ACACA: variants seen among roughly 807,000 people sequenced by gnomAD.
The protein encoded by ACACA is acetyl-CoA carboxylase alpha, also known as acetyl-CoA carboxylase 1.
A neutral mutation model predicts 296.1 loss-of-function variants in ACACA; 103 were observed. The observed-to-expected ratio is 0.35, with a 90% CI of 0.30 to 0.41. The LOEUF is 0.41. Among genes scored for constraint, ACACA ranks in the 10% least tolerant of loss-of-function variants. The probability of loss-of-function intolerance (pLI) is 1.00; values close to 1 mark genes in which losing one functional copy is unlikely to be tolerated. For missense variants in ACACA, 1,554 were observed against 2,989.7 expected (o/e 0.52, Z 11.20); for synonymous variants, 953 against 1,038.6 (o/e 0.92, Z 1.58).
intron 48 of ACACA, among the ~76,000 whole-genome samples, chr17:37,124,528 G>A (rs1010043332): frequency 1.3e-5 from 2 of 152,188 alleles, no homozygotes; most frequent in African/African-American, 4.8e-5. Flanking sequence ...TGTGCCGTGA[G>A]GAATCTAACA....
intron 3 of ACACA, chr17:37,299,337 AGATGG>A (rs774728472): frequency 6.2e-7 from 1 of 1,613,918 alleles, no homozygotes; most frequent in South Asian, 1.1e-5. Context: ...CTCCATATCA[AGATGG>A]GAAAAGAATG....
chr17:37,129,395 G>C lies in ACACA; in HGVS notation c.5914C>G (p.Arg1972Gly). The C allele has an allele frequency of 6.2e-7, 1 of 1,614,078 alleles. No individual in the cohort carries two copies. Among genetic ancestry groups the C allele is most frequent in the Non-Finnish European group, 8.5e-7 (1 of 1,179,988 alleles). ...TGAGGACGGCCTGCTAGCATCCATC[G>C]AGGATCGTATGGGGTCTTTGTGGGA... ...FVPTKTPYDP[R>G]WMLAGRPHPT... Residue 1972 changes from arginine (R) to glycine (G), a missense_variant, in exon 47 of 56, where the codon CGA becomes GGA. Coordinates refer to ENST00000616317, the MANE Select transcript of ACACA (RefSeq NM_198834.3).
intron 3 of ACACA, among the ~76,000 whole-genome samples, chr17:37,291,337 C>A (rs141315920): frequency 2.0e-5 from 3 of 151,726 alleles, no homozygotes; most frequent in Non-Finnish European, 4.4e-5. Flanking sequence ...CCACCATGCC[C>A]GGCTAATTTT....
In ACACA at chr17:37,210,173, G is replaced by A. The variant is rs1003951165; in HGVS notation, c.3707+294C>T. Among the ~76,000 whole-genome samples the A allele has an allele frequency of 2.0e-5, 3 of 152,172 alleles. 1 individual carries two copies. Among genetic ancestry groups the A allele is most frequent in the Admixed American group, 1.3e-4 (2 of 15,282 alleles). On this transcript the variant is annotated intron_variant, in intron 30 of 55. Transcript: ENST00000616317. ...CTACACAGAGAACTTAGCAAAAGAA[G>A]ATGTTGCTAGCAAGGCCGGACATAA...
intron 3 of ACACA, among the ~76,000 whole-genome samples, chr17:37,292,724 C>T (rs931231423): frequency 1.3e-5 from 2 of 152,046 alleles, no homozygotes; most frequent in Non-Finnish European, 2.9e-5. Context: ...ATTAGCTGGG[C>T]GTGGTGGTGT....
intron 1 of ACACA, among the ~76,000 whole-genome samples, chr17:37,401,365 GT>G (rs2051283542): frequency 6.6e-6 from 1 of 151,186 alleles, no homozygotes; most frequent in Non-Finnish European, 1.5e-5. Context: ...GCTAATTTTT[GT>G]TTTTTTAGTA....
intron 1 of ACACA, chr17:37,388,682 A>G (rs1366943561): frequency 6.2e-7 from 1 of 1,612,198 alleles, no homozygotes; most frequent in East Asian, 2.2e-5. Flanking sequence ...ACAGATGAGA[A>G]CCTAGAGAAG....
chr17:37,121,075 C>T (rs1421107204), intron 50 of ACACA, among the ~76,000 whole-genome samples: 1 of 152,132 alleles, frequency 6.6e-6, no homozygotes, highest in Non-Finnish European at 1.5e-5. Flanking sequence ...TCCCCAGCAC[C>T]ATCAGAATGG....
Position 37,243,677 on chromosome 17 carries a change from T to C in ACACA, c.2743-118A>G, listed in dbSNP as rs138867602. The stretch of plus-strand genomic sequence containing the variant: ...TGGTTCCAGAACCACCACTCATATA[T>C]GAAAATCTGCACATACTTGAGCCCT... On this transcript the variant is annotated intron_variant, in intron 21 of 55. Transcript: ENST00000616317. 2,387 of 1,053,918 alleles carry C rather than the reference T, an allele frequency of 2.3e-3. 9 individuals are homozygous for C. Among genetic ancestry groups the C allele is most frequent in the Non-Finnish European group, 2.7e-3 (1,850 of 685,628 alleles). The allele number at this position is 1,053,918 out of a possible 1,614,324, so 65.3% of individuals were successfully genotyped here.
At position 37,207,308 on chromosome 17, in the gene ACACA, G is replaced by A. The variant is rs545579178; in HGVS notation, c.3851+349C>T. On this transcript the variant is annotated intron_variant, in intron 31 of 55. Transcript: ENST00000616317. Reference sequence around the variant, plus strand: ...TGCTGAATGCATTTAATCAAAAGATGTATTGTCTCTTGTGGGGCTCACTCT... The same window carrying A: ...TGCTGAATGCATTTAATCAAAAGATATATTGTCTCTTGTGGGGCTCACTCT... Among the ~76,000 whole-genome samples, 5 of 152,268 alleles carry A rather than the reference G, an allele frequency of 3.3e-5. No homozygotes were observed. In the East Asian group the frequency reaches 7.7e-4, roughly 23 times the overall value.
intron 11 of ACACA, among the ~76,000 whole-genome samples, chr17:37,263,253 C>CA (rs2081597003): frequency 6.6e-6 from 1 of 152,118 alleles, no homozygotes; most frequent in Admixed American, 6.5e-5. Flanking sequence ...ACTTTCTATA[C>CA]AAAAAGATAG....
At chr17:37,188,793 C>G (rs992182213) in intron 38 of ACACA, among the ~76,000 whole-genome samples, 9 of 152,128 alleles carry the variant, frequency 5.9e-5, no homozygotes, top group African/African-American at 1.7e-4. Flanking sequence ...TCTAAAATTA[C>G]AAGCCATGGG....
chr17:37,145,378 A>G (rs1469164999), intron 45 of ACACA, among the ~76,000 whole-genome samples: 4 of 152,216 alleles, frequency 2.6e-5, no homozygotes, highest in Non-Finnish European at 2.9e-5. Flanking sequence ...TCTGCCACGC[A>G]GTGAGGCATT....
At chr17:37,246,135 A>G (rs1476583394) in intron 19 of ACACA, among the ~76,000 whole-genome samples, 2 of 152,146 alleles carry the variant, frequency 1.3e-5, no homozygotes, top group Non-Finnish European at 2.9e-5. Context: ...CTTCCCATAC[A>G]AGCTTAGCTT....
At position 37,252,752 on chromosome 17, in the gene ACACA, T is replaced by C. The variant is rs541107518; in HGVS notation, c.1977+134A>G. 22 of 1,189,778 alleles carry C rather than the reference T, an allele frequency of 1.8e-5. No individual in the cohort carries two copies. The East Asian group carries it at 4.4e-4, about 24-fold the overall frequency. 73.7% of individuals were successfully genotyped at this position (1,189,778 alleles called of 1,614,324 possible). On this transcript the variant is annotated intron_variant, in intron 15 of 55. Coordinates refer to ENST00000616317, the MANE Select transcript of ACACA (RefSeq NM_198834.3). ...AACCATCAGAGTGCTAAAATTACAC[T>C]GACTCCTAGATTTTTCCAGGTAGAT...
chr17:37,182,522 T>A (rs1337355473), intron 39 of ACACA, among the ~76,000 whole-genome samples: 1 of 152,170 alleles, frequency 6.6e-6, no homozygotes, highest in Non-Finnish European at 1.5e-5. Flanking sequence ...ATTTAGATAG[T>A]TTTATTTGCT....
intron 3 of ACACA, among the ~76,000 whole-genome samples, chr17:37,294,442 A>G (rs1259597544): frequency 2.0e-5 from 3 of 152,238 alleles, no homozygotes; most frequent in Admixed American, 2.0e-4. Flanking sequence ...AAGTGTGCAT[A>G]CAAATAAACA....
At chr17:37,210,531 G>A (rs1283936631) in intron 29 of ACACA, 41 bp from the exon 30 acceptor site, 93 of 1,590,098 alleles carry the variant, frequency 5.8e-5, no homozygotes, top group Non-Finnish European at 8.0e-5. Flanking sequence ...ATAAGTTAGT[G>A]AAAGCCATAA....
In ACACA at chr17:37,320,038, T is replaced by C. The variant is rs376309296; in HGVS notation, c.338+10135A>G. On this transcript the variant is annotated intron_variant, in intron 3 of 55. Coordinates refer to ENST00000616317, the MANE Select transcript of ACACA (RefSeq NM_198834.3). ...ACTACTCAGGGACTGAGCAAGAGGA[T>C]TGCTTGAGCCCAGGAGTCTGAAGGT... 7.3e-5 allele frequency among the ~76,000 whole-genome samples: 11 copies of C among 151,686 alleles called. No individual in the cohort carries two copies. In the East Asian group the frequency reaches 9.8e-4, roughly 14 times the overall value.
Sources: allele counts gnomAD v4.1 joint callset (sites outside exome capture counted in the v4.1 genomes callset), GRCh38; gene constraint gnomAD v4.1.1; transcripts MANE v1.5; gene names NCBI Gene and HGNC (gene_info 2026-07-23, HGNC 2026-07-21).